Variants in SLC35F3 observed in about 807,000 individuals in gnomAD.
SLC35F3 encodes putative thiamine transporter SLC35F3.
A neutral mutation model predicts 49.9 loss-of-function variants in SLC35F3; 25 were observed. That is an observed-to-expected ratio of 0.50 (90% CI 0.37 to 0.70). The LOEUF (loss-of-function observed/expected upper bound fraction) is 0.70, where lower values mean the gene tolerates loss of function less well. Ranked by LOEUF, SLC35F3 falls within the 30% of genes least tolerant of loss-of-function variation. The pLI is 0.00. For missense variants in SLC35F3, 525 were observed against 639.8 expected, an observed-to-expected ratio of 0.82 and a Z score of 1.94; for synonymous variants, 275 against 265.4, an observed-to-expected ratio of 1.04 and a Z score of -0.35.
intron 3 of SLC35F3, among the ~76,000 whole-genome samples, chr1:234,294,910 G>C (rs1030191774): frequency 3.3e-5 from 5 of 152,108 alleles, no homozygotes; most frequent in Admixed American, 2.6e-4. Context: ...CCTGGGGGGG[G>C]AACCCAAAGT....
intron 2 of SLC35F3, among the ~76,000 whole-genome samples, chr1:234,005,424 G>A (rs1005715668): frequency 1.3e-5 from 2 of 152,116 alleles, no homozygotes; most frequent in African/African-American, 4.8e-5. Context: ...TATACTTGGT[G>A]GATTGTTTCC....
intron 2 of SLC35F3, among the ~76,000 whole-genome samples, chr1:234,117,499 C>T (rs546292914): frequency 3.3e-5 from 5 of 151,042 alleles, no homozygotes; most frequent in South Asian, 2.1e-4. Flanking sequence ...GGCTGAGGCA[C>T]GAAAATCACT....
intron 2 of SLC35F3, among the ~76,000 whole-genome samples, chr1:234,108,255 A>AT (rs371517205): frequency 0.21 from 16,196 of 75,988 alleles, 3,257 homozygotes; most frequent in African/African-American, 0.27. Flanking sequence ...AAAGATATAT[A>AT]TATTTATATA....
chr1:233,971,785 G>A (rs73098466), intron 2 of SLC35F3, among the ~76,000 whole-genome samples: 4,187 of 151,778 alleles, frequency 0.028, 188 homozygotes, highest in African/African-American at 0.093. Context: ...ATGGGACCAC[G>A]GTTGACCAAA....
At chr1:234,313,659 G>A (rs1312029220) in intron 4 of SLC35F3, among the ~76,000 whole-genome samples, 1 of 152,092 alleles carries the variant, frequency 6.6e-6, no homozygotes. Flanking sequence ...GGTCAGGGGA[G>A]CTCCGTTGTC....
At chr1:233,914,104 C>T (rs1219798001) in intron 2 of SLC35F3, among the ~76,000 whole-genome samples, 1 of 152,124 alleles carries the variant, frequency 6.6e-6, no homozygotes, top group Non-Finnish European at 1.5e-5. Context: ...CGTTTGGGCC[C>T]TTAGCAGCCA....
At chr1:233,941,830 C>T (rs1429497605) in intron 2 of SLC35F3, among the ~76,000 whole-genome samples, 3 of 152,116 alleles carry the variant, frequency 2.0e-5, no homozygotes, top group Non-Finnish European at 2.9e-5. Flanking sequence ...AAACTGCACC[C>T]ATTTAATGTA....
At chr1:233,912,254 T>C (rs1571975915) in intron 2 of SLC35F3, among the ~76,000 whole-genome samples, 1 of 151,802 alleles carries the variant, frequency 6.6e-6, no homozygotes, top group Non-Finnish European at 1.5e-5. Context: ...CCAAGGCGGG[T>C]GAATCACGAG....
At chr1:233,947,978 G>T (rs1662540524) in intron 2 of SLC35F3, among the ~76,000 whole-genome samples, 1 of 150,502 alleles carries the variant, frequency 6.6e-6, no homozygotes, top group Non-Finnish European at 1.5e-5. Context: ...CAAGTGAAGG[G>T]CTCAAATGGG....
intron 3 of SLC35F3, among the ~76,000 whole-genome samples, chr1:234,279,661 A>G (rs920601429): frequency 6.6e-6 from 1 of 152,166 alleles, no homozygotes; most frequent in Middle Eastern, 3.2e-3. Context: ...CCAAGTGAAC[A>G]TGGGCAAAAT....
intron 2 of SLC35F3, among the ~76,000 whole-genome samples, chr1:233,928,763 C>T (rs988840729): frequency 2.6e-5 from 4 of 152,074 alleles, no homozygotes; most frequent in Non-Finnish European, 5.9e-5. Context: ...GAGAGCTTCT[C>T]TGATATATTT....
At chr1:234,193,952 G>A (rs1334573723) in intron 2 of SLC35F3, among the ~76,000 whole-genome samples, 2 of 152,194 alleles carry the variant, frequency 1.3e-5, no homozygotes, top group African/African-American at 4.8e-5. Context: ...AATAATAGAT[G>A]TTGGCATGGA....
At chr1:234,034,377 A>G (rs938032646) in intron 2 of SLC35F3, among the ~76,000 whole-genome samples, 4 of 152,110 alleles carry the variant, frequency 2.6e-5, no homozygotes, top group Non-Finnish European at 4.4e-5. Flanking sequence ...TTCCAGTACT[A>G]TGTTGAATAG....
At chr1:234,072,929 G>C (rs185048244) in intron 2 of SLC35F3, among the ~76,000 whole-genome samples, 1 of 152,270 alleles carries the variant, frequency 6.6e-6, no homozygotes, top group East Asian at 1.9e-4. Context: ...GAATCACTTT[G>C]GTTGTTATAT....
intron 2 of SLC35F3, among the ~76,000 whole-genome samples, chr1:234,016,314 A>G (rs1309934028): frequency 6.6e-6 from 1 of 152,232 alleles, no homozygotes; most frequent in Non-Finnish European, 1.5e-5. Context: ...ATTTGAAACC[A>G]GTATGTTGAA....
chr1:234,269,260 G>A (rs964351306), intron 3 of SLC35F3, among the ~76,000 whole-genome samples: 1 of 152,060 alleles, frequency 6.6e-6, no homozygotes, highest in Non-Finnish European at 1.5e-5. Flanking sequence ...CAAAAAAGGG[G>A]CCTCACCCTT....
intron 2 of SLC35F3, among the ~76,000 whole-genome samples, chr1:234,142,248 G>A (rs1665927490): frequency 1.3e-5 from 2 of 152,150 alleles, no homozygotes; most frequent in Non-Finnish European, 2.9e-5. Context: ...TGTTTGCAGG[G>A]AGAATAATAA....
chr1:234,135,999 G>A (rs973992677), intron 2 of SLC35F3, among the ~76,000 whole-genome samples: 10 of 152,162 alleles, frequency 6.6e-5, no homozygotes, highest in Non-Finnish European at 1.2e-4. Context: ...GATGAGAATA[G>A]AAAGCAAAAA....
At chr1:233,995,485 G>A (rs1407001078) in intron 2 of SLC35F3, among the ~76,000 whole-genome samples, 2 of 152,174 alleles carry the variant, frequency 1.3e-5, no homozygotes, top group African/African-American at 2.4e-5. Flanking sequence ...TAAATGAAGT[G>A]TTAAGGATGC....
Sources: allele counts gnomAD v4.1 joint callset (sites outside exome capture counted in the v4.1 genomes callset), GRCh38; gene constraint gnomAD v4.1.1; transcripts MANE v1.5; gene names NCBI Gene and HGNC (gene_info 2026-07-23, HGNC 2026-07-21).